The following DGKB variants were observed in gnomAD, a reference collection of about 807,000 sequenced individuals.
DGKB encodes 90 kDa diacylglycerol kinase.
DGKB carries 67 observed loss-of-function variants against 114.3 expected under a neutral mutation model. That is an observed-to-expected ratio of 0.59 (90% confidence interval 0.48 to 0.72). The LOEUF (loss-of-function observed/expected upper bound fraction) is 0.72, where lower values mean the gene tolerates loss of function less well. Ranked by LOEUF, DGKB falls within the 30% of genes least tolerant of loss-of-function variation. The probability of loss-of-function intolerance (pLI) is 0.00; values close to 1 mark genes in which losing one functional copy is unlikely to be tolerated. For missense variants in DGKB, 907 were observed against 975.2 expected, an observed-to-expected ratio of 0.93 and a Z score of 0.93; for synonymous variants, 398 against 323.1, an observed-to-expected ratio of 1.23 and a Z score of -2.49.
At chr7:14,524,594 A>G (rs1790329376) in intron 20 of DGKB, among the ~76,000 whole-genome samples, 2 of 151,968 alleles carry the variant, frequency 1.3e-5, no homozygotes, top group Non-Finnish European at 2.9e-5. Flanking sequence ...TGTCCCTACT[A>G]AAAATAGAAA....
chr7:14,188,551 T>C (rs6974081), intron 23 of DGKB, among the ~76,000 whole-genome samples: 23,847 of 142,034 alleles, frequency 0.17, 3,598 homozygotes, highest in African/African-American at 0.2. Flanking sequence ...TCCCAGCTAC[T>C]TGGGAGGCTG....
At chr7:14,159,863 G>A (rs1783598320) in intron 25 of DGKB, among the ~76,000 whole-genome samples, 1 of 151,988 alleles carries the variant, frequency 6.6e-6, no homozygotes, top group South Asian at 2.1e-4. Flanking sequence ...AGTAGAGATG[G>A]GGTTTCACAT....
At position 14,204,264 on chromosome 7, in the gene DGKB, C is replaced by G. The variant is rs1051162553; in HGVS notation, c.2123-26113G>C. Among the ~76,000 whole-genome samples, 5 of 152,032 alleles carry G rather than the reference C, an allele frequency of 3.3e-5. No individual in the cohort carries two copies. The South Asian group carries it at 6.2e-4, about 19-fold the overall frequency. ...ACAAATTTCAACATGCTTTGCTATC[C>G]TAGATGAAATCTGAATACATGAAAA... On this transcript the variant is annotated intron_variant, in intron 23 of 25. Coordinates refer to ENST00000402815, the MANE Select transcript of DGKB (RefSeq NM_001350709.2).
intron 21 of DGKB, among the ~76,000 whole-genome samples, chr7:14,374,853 G>A (rs1160754164): frequency 3.3e-5 from 5 of 152,066 alleles, no homozygotes; most frequent in Admixed American, 6.6e-5. Flanking sequence ...CAACCTTGTC[G>A]TGACAATCAA....
chr7:14,596,215 A>G (rs1317423041), intron 17 of DGKB, among the ~76,000 whole-genome samples: 1 of 152,180 alleles, frequency 6.6e-6, no homozygotes, highest in Non-Finnish European at 1.5e-5. Flanking sequence ...ACTTTCATCA[A>G]TAATAAAAAT....
At chr7:14,819,561 G>C (rs545470143) in intron 2 of DGKB, among the ~76,000 whole-genome samples, 27 of 152,250 alleles carry the variant, frequency 1.8e-4, no homozygotes, top group African/African-American at 6.5e-4. Context: ...CTGCACTCCA[G>C]CATGGGTTAC....
chr7:14,697,150 G>A (rs1002002783), intron 8 of DGKB, among the ~76,000 whole-genome samples: 41 of 152,038 alleles, frequency 2.7e-4, no homozygotes, highest in African/African-American at 9.7e-4. Context: ...TTTTAATAAT[G>A]TTGAAATTTT....
At chr7:14,150,091 GATA>G (rs1458906846) in intron 25 of DGKB, among the ~76,000 whole-genome samples, 6 of 152,188 alleles carry the variant, frequency 3.9e-5, no homozygotes, top group South Asian at 4.1e-4. Context: ...TACATTGTAA[GATA>G]ATAAATGATT....
chr7:14,270,444 C>G (rs1405920069), intron 23 of DGKB, among the ~76,000 whole-genome samples: 1 of 152,120 alleles, frequency 6.6e-6, no homozygotes, highest in Non-Finnish European at 1.5e-5. Context: ...CAGGGTCCCT[C>G]TTATCCTATC....
intron 21 of DGKB, among the ~76,000 whole-genome samples, chr7:14,471,056 T>C (rs1258855975): frequency 6.6e-6 from 1 of 150,984 alleles, no homozygotes; most frequent in African/African-American, 2.4e-5. Flanking sequence ...AAATGGCAAT[T>C]TTGTGTTCTA....
chr7:14,396,580 T>G (rs1822251756), intron 21 of DGKB, among the ~76,000 whole-genome samples: 1 of 152,170 alleles, frequency 6.6e-6, no homozygotes, highest in Admixed American at 6.5e-5. Context: ...TGAGCTTGGA[T>G]TTGTTGATGG....
intron 1 of DGKB, among the ~76,000 whole-genome samples, chr7:14,882,057 AT>A (rs1854311122): frequency 1.3e-5 from 2 of 150,812 alleles, no homozygotes; most frequent in Non-Finnish European, 2.9e-5. Flanking sequence ...TGTAAGTTAT[AT>A]TTTTAACTTA....
intron 21 of DGKB, among the ~76,000 whole-genome samples, chr7:14,383,915 C>A (rs1412109554): frequency 6.6e-6 from 1 of 152,160 alleles, no homozygotes; most frequent in Non-Finnish European, 1.5e-5. Flanking sequence ...CAACAGAGGA[C>A]ATGTTAATTG....
chr7:14,749,200 A>G (rs1050431081), intron 4 of DGKB, among the ~76,000 whole-genome samples: 1 of 152,164 alleles, frequency 6.6e-6, no homozygotes, highest in Non-Finnish European at 1.5e-5. Flanking sequence ...TTTATATTTT[A>G]AATATTGCAT....
intron 13 of DGKB, among the ~76,000 whole-genome samples, chr7:14,640,956 T>G (rs1385743922): frequency 6.6e-6 from 1 of 152,184 alleles, no homozygotes; most frequent in East Asian, 1.9e-4. Flanking sequence ...ATAAAGCATT[T>G]GTCTCTACTC....
intron 2 of DGKB, among the ~76,000 whole-genome samples, chr7:14,812,066 T>C (rs1403974815): frequency 6.6e-6 from 1 of 152,162 alleles, no homozygotes; most frequent in East Asian, 1.9e-4. Flanking sequence ...ACTGGCTTGT[T>C]TCACTTAGCA....
rs79626333 is a variant in DGKB at position 14,612,435 on chromosome 7, C to T, written c.1358+905G>A. Among the ~76,000 whole-genome samples, 799 of 152,028 alleles carry T rather than the reference C, an allele frequency of 5.3e-3. 6 individuals carry two copies. Among genetic ancestry groups the T allele is most frequent in the African/African-American group, 0.018 (749 of 41,464 alleles). On this transcript the variant is annotated intron_variant, in intron 16 of 25. Transcript: ENST00000402815. ...CTGCCCACCTCAGCCTCCCAAAGTG[C>T]TAGGATAATAATCTTACACTCTTTA...
intron 1 of DGKB, among the ~76,000 whole-genome samples, chr7:14,939,637 T>A (rs1032941153): frequency 1.4e-5 from 2 of 142,562 alleles, no homozygotes; most frequent in African/African-American, 5.3e-5. Context: ...TTTTTTTTTT[T>A]TTTTTTTTTT....
At chr7:14,972,118 G>A (rs983002979) in intron 1 of DGKB, among the ~76,000 whole-genome samples, 1 of 151,956 alleles carries the variant, frequency 6.6e-6, no homozygotes, top group Non-Finnish European at 1.5e-5. Flanking sequence ...TTTACATTAG[G>A]TTCTAGTTGT....
Sources: gnomAD v4.1 joint callset for allele counts (sites outside exome capture counted in the v4.1 genomes callset) on GRCh38, gnomAD v4.1.1 for gene constraint, MANE v1.5 for transcripts, NCBI Gene and HGNC (gene_info 2026-07-23, HGNC 2026-07-21) for gene names.